Variants in TRAF2 observed in about 807,000 individuals in gnomAD.
The protein encoded by TRAF2 is TNF receptor associated factor 2.
Under a neutral mutation model 55.6 loss-of-function variants are expected in TRAF2, and 6 were observed. The observed-to-expected ratio is 0.11, with a 90% CI of 0.06 to 0.21. TRAF2 has a LOEUF of 0.21. Ranked by LOEUF, TRAF2 falls within the 10% of genes least tolerant of loss-of-function variation. The pLI is 1.00. For missense variants in TRAF2, 561 were observed against 684.5 expected (o/e 0.82, Z 2.01); for synonymous variants, 329 against 276.3 (o/e 1.19, Z -1.89).
At chr9:136,902,024 G>GC (rs1271907409) in intron 4 of TRAF2, 1 of 152,282 alleles carries the variant, frequency 6.6e-6, no homozygotes, top group African/African-American at 2.4e-5. Context: ...TTCCTCCCTA[G>GC]CACGGGGATT....
chr9:136,916,358 T>C (rs1044173752), intron 6 of TRAF2, among the ~76,000 whole-genome samples, 183 bp from the exon 7 acceptor site: 2 of 152,054 alleles, frequency 1.3e-5, no homozygotes, highest in African/African-American at 4.8e-5. Context: ...TTTGCACGTG[T>C]GTGTGCACAG....
chr9:136,920,981 A>AG lies in TRAF2; in HGVS notation c.961-53dup. 2.5e-6 allele frequency: 4 copies of AG among 1,596,704 alleles called. No homozygotes were observed. The South Asian group carries it at 4.4e-5, about 18-fold the overall frequency. ...CTGGAGATCGGTGGGTGTGGGAGGC[A>AG]GGGGCTCGTGCCCGCACCCCTCCTG... On this transcript the variant is annotated intron_variant, in intron 8 of 10. Coordinates refer to ENST00000247668, the MANE Select transcript of TRAF2 (RefSeq NM_021138.4).
At chr9:136,924,845 T>C (rs1271088063) in intron 10 of TRAF2, among the ~76,000 whole-genome samples, 1 of 151,932 alleles carries the variant, frequency 6.6e-6, no homozygotes, top group Non-Finnish European at 1.5e-5. Flanking sequence ...TTCAAGCGAT[T>C]CTCCTGCCTC....
intron 1 of TRAF2, among the ~76,000 whole-genome samples, chr9:136,898,006 C>T (rs1849724827): frequency 1.5e-5 from 2 of 132,560 alleles, no homozygotes; most frequent in African/African-American, 2.9e-5. Flanking sequence ...ACTAGCCAGC[C>T]TCAGATGTGC....
At chr9:136,918,261 AT>A (rs1850293700) in intron 7 of TRAF2, among the ~76,000 whole-genome samples, 1 of 10,556 alleles carries the variant, frequency 9.5e-5, no homozygotes, top group Non-Finnish European at 1.7e-4. Flanking sequence ...ATATATATTT[AT>A]TTAATTAATT....
At chr9:136,897,735 T>C (rs1335601718) in intron 1 of TRAF2, among the ~76,000 whole-genome samples, 1 of 140,170 alleles carries the variant, frequency 7.1e-6, no homozygotes, top group South Asian at 2.3e-4. Flanking sequence ...GTTCCCGCTC[T>C]CAGGGCTGGA....
Position 136,891,299 on chromosome 9 carries a change from G to A in TRAF2, c.-29+4758G>A, listed in dbSNP as rs181365759. ...AATTTTTTGTATTTTTAGTGGAGAC[G>A]GGGTCTCACCATGTTGGCCAGCCTG... On this transcript the variant is annotated intron_variant, in intron 1 of 10. Transcript: ENST00000247668. Among the ~76,000 whole-genome samples the A allele has an allele frequency of 5.4e-4, 82 of 150,848 alleles. No homozygotes were observed. In the Middle Eastern group the frequency reaches 0.021, roughly 39 times the overall value.
intron 4 of TRAF2, among the ~76,000 whole-genome samples, chr9:136,903,840 C>G (rs1849882097): frequency 6.6e-6 from 1 of 152,082 alleles, no homozygotes; most frequent in Admixed American, 6.6e-5. Context: ...CCCCACCACT[C>G]CCGGCTAATT....
intron 7 of TRAF2, among the ~76,000 whole-genome samples, chr9:136,916,936 C>T (rs1014871416): frequency 6.6e-6 from 1 of 152,130 alleles, no homozygotes; most frequent in African/African-American, 2.4e-5. Flanking sequence ...CGGCTCGCCA[C>T]GACCACTCCT....
chr9:136,886,533 G>C lies in TRAF2; in HGVS notation c.-37G>C, dbSNP rs1849451333. The C allele has an allele frequency of 3.0e-6, 3 of 987,576 alleles. No homozygotes were observed. Among genetic ancestry groups the C allele is most frequent in the Non-Finnish European group, 3.6e-6 (3 of 831,280 alleles). The allele number at this position is 987,576 out of a possible 1,614,324, so 61.2% of individuals were successfully genotyped here. A position where few individuals can be genotyped will look rare whatever the true frequency, so the allele number is the denominator to read the frequency against. On this transcript the variant is annotated 5_prime_UTR_variant, in exon 1 of 11. Transcript: ENST00000247668. ...GGGCCCTTAGTTCCGGGCGCGCTGC[G>C]ACCGTTGGGTGAGGCGAGCGCGGGG...
intron 6 of TRAF2, among the ~76,000 whole-genome samples, chr9:136,911,594 C>T (rs1179588675): frequency 6.6e-6 from 1 of 151,960 alleles, no homozygotes; most frequent in African/African-American, 2.4e-5. Flanking sequence ...GTTCACAGGG[C>T]CTCATCTTCA....
chr9:136,907,143 C>G (rs189331635), intron 4 of TRAF2, among the ~76,000 whole-genome samples: 2 of 152,272 alleles, frequency 1.3e-5, no homozygotes, highest in African/African-American at 4.8e-5. Flanking sequence ...CCTCCCTTCC[C>G]TCTGTGTCCT....
chr9:136,910,120 C>G (rs749764588), intron 6 of TRAF2, 126 bp downstream of exon 6: 6 of 1,060,410 alleles, frequency 5.7e-6, no homozygotes, highest in African/African-American at 3.1e-5. Flanking sequence ...TGCAAAGCCC[C>G]TGTAACGTTG....
chr9:136,903,287 T>C (rs1849863958), intron 4 of TRAF2, among the ~76,000 whole-genome samples: 1 of 152,210 alleles, frequency 6.6e-6, no homozygotes, highest in Admixed American at 6.5e-5. Flanking sequence ...TAAATGTTGA[T>C]GGAGTGCTTG....
chr9:136,887,817 T>C (rs1428080735), intron 1 of TRAF2, among the ~76,000 whole-genome samples: 1 of 152,188 alleles, frequency 6.6e-6, no homozygotes, highest in African/African-American at 2.4e-5. Context: ...ATCAAGCTTC[T>C]ATTTGGTATT....
intron 4 of TRAF2, among the ~76,000 whole-genome samples, chr9:136,901,782 G>A (rs1360151892): frequency 4.6e-5 from 7 of 152,126 alleles, no homozygotes; most frequent in Non-Finnish European, 1.0e-4. Context: ...ACCCTGGGGT[G>A]TTACCGGCTG....
upstream of TRAF2, among the ~76,000 whole-genome samples, chr9:136,883,890 C>T (rs1298616673): frequency 1.3e-5 from 2 of 149,918 alleles, no homozygotes; most frequent in East Asian, 2.0e-4. Flanking sequence ...GGCGCAATCT[C>T]GGCTCACTGC....
chr9:136,909,860 C>T, intron 5 of TRAF2, 60 bp from the exon 6 acceptor site: 7 of 1,573,916 alleles, frequency 4.4e-6, no homozygotes, highest in Non-Finnish European at 6.1e-6. Flanking sequence ...CTGTGTGCCG[C>T]CCTCCACCCG....
intron 5 of TRAF2, 95 bp from the exon 6 acceptor site, chr9:136,909,825 C>T (rs1183534967): frequency 1.5e-6 from 2 of 1,310,214 alleles, no homozygotes; most frequent in African/African-American, 1.5e-5. Context: ...CTCCTGCGGC[C>T]CCTCGGCGCT....
Sources: allele counts gnomAD v4.1 joint callset (sites outside exome capture counted in the v4.1 genomes callset), GRCh38; gene constraint gnomAD v4.1.1; transcripts MANE v1.5; gene names NCBI Gene and HGNC (gene_info 2026-07-23, HGNC 2026-07-21).